AFAP1: variants seen among roughly 807,000 people sequenced by gnomAD.
The protein encoded by AFAP1 is actin filament-associated protein 1.
AFAP1 carries 75 observed loss-of-function variants against 93.9 expected under a neutral mutation model. That is an observed-to-expected ratio of 0.80 (90% CI 0.66 to 0.97). AFAP1 has a LOEUF of 0.97. Among genes scored for constraint, AFAP1 ranks in the 50% least tolerant of loss-of-function variants. AFAP1 has a pLI of 0.00. For missense variants in AFAP1, 1,201 were observed against 1,050.8 expected, an observed-to-expected ratio of 1.14 and a Z score of -1.98; for synonymous variants, 517 against 430.7, an observed-to-expected ratio of 1.20 and a Z score of -2.48.
At chr4:7,864,165 C>CCTTCCCAACTGCCCAT (rs1315864981) in intron 3 of AFAP1, among the ~76,000 whole-genome samples, 3 of 54,910 alleles carry the variant, frequency 5.5e-5, no homozygotes, top group Non-Finnish European at 8.1e-5. Context: ...TCATCACAAC[C>CCTTCCCAACTGCCCAT]CACAGGTCCT....
At chr4:7,830,571 G>A (rs1306825212) in intron 6 of AFAP1, among the ~76,000 whole-genome samples, 1 of 152,060 alleles carries the variant, frequency 6.6e-6, no homozygotes, top group East Asian at 1.9e-4. Context: ...TACCTTGAAT[G>A]GTTATATACA....
intron 1 of AFAP1, among the ~76,000 whole-genome samples, chr4:7,907,149 G>A (rs1429298837): frequency 6.6e-6 from 1 of 152,150 alleles, no homozygotes; most frequent in African/African-American, 2.4e-5. Flanking sequence ...AATACAACTT[G>A]TAACAGTGAG....
rs114505744 is a variant in AFAP1, at chr4:7,860,837, G to A, written c.226-5263C>T. Among the ~76,000 whole-genome samples the A allele has an allele frequency of 4.2e-3, 647 of 152,278 alleles. 10 individuals are homozygous for A. Among genetic ancestry groups the A allele is most frequent in the African/African-American group, 0.015 (617 of 41,544 alleles). ...GCTCCCATATCACACAGCACAAGCA[G>A]ACGCATCATTTCTTAGGAAGACTCT... On this transcript the variant is annotated intron_variant, in intron 3 of 17. Coordinates refer to ENST00000420658, the MANE Select transcript of AFAP1 (RefSeq NM_001134647.2).
intron 1 of AFAP1, among the ~76,000 whole-genome samples, chr4:7,935,265 T>C (rs774232082): frequency 4.6e-5 from 7 of 152,222 alleles, no homozygotes; most frequent in Non-Finnish European, 7.3e-5. Context: ...CAGGTGTTAC[T>C]AGCAATTAAC....
At chr4:7,906,043 A>T (rs764064720) in intron 1 of AFAP1, among the ~76,000 whole-genome samples, 1 of 152,182 alleles carries the variant, frequency 6.6e-6, no homozygotes, top group Non-Finnish European at 1.5e-5. Context: ...AGATACCTCA[A>T]TGCTCCAAAA....
In AFAP1 at chr4:7,762,145, A is replaced by G. The variant is rs564648342; in HGVS notation, c.*1620T>C. Reference sequence around the variant, plus strand: ...GACCGCTTTCCGCTTCAGTAATCCAACGTGGCCCTTGCAGGCCTCAAGCGC... The same window carrying G: ...GACCGCTTTCCGCTTCAGTAATCCAGCGTGGCCCTTGCAGGCCTCAAGCGC... On this transcript the variant is annotated 3_prime_UTR_variant, in exon 18 of 18. Transcript: ENST00000420658. 3 of 152,364 alleles carry G rather than the reference A, an allele frequency of 2.0e-5. No homozygotes were observed. The highest frequency in any genetic ancestry group is 4.4e-5 in the Non-Finnish European group (3 of 68,034). The allele number at this position is 152,364 out of a possible 1,614,324, so 9.4% of individuals were successfully genotyped here. A position where few individuals can be genotyped will look rare whatever the true frequency, so the allele number is the denominator to read the frequency against.
intron 8 of AFAP1, among the ~76,000 whole-genome samples, chr4:7,810,991 G>T (rs1351094674): frequency 6.6e-6 from 1 of 152,242 alleles, no homozygotes; most frequent in African/African-American, 2.4e-5. Flanking sequence ...GAACGTGCGT[G>T]TGAGACAGCA....
chr4:7,767,928 T>C (rs1263203543), intron 17 of AFAP1, among the ~76,000 whole-genome samples: 1 of 152,104 alleles, frequency 6.6e-6, no homozygotes, highest in East Asian at 1.9e-4. Flanking sequence ...TACAGTAAGT[T>C]AGCTGGGCAT....
At chr4:7,809,380 T>C (rs1170481382) in intron 9 of AFAP1, 5 of 358,242 alleles carry the variant, frequency 1.4e-5, no homozygotes, top group Non-Finnish European at 2.4e-5. Context: ...GGGAAATTTT[T>C]TTTTTTCCTT....
chr4:7,876,646 C>T (rs956265565), intron 1 of AFAP1, among the ~76,000 whole-genome samples: 4 of 152,180 alleles, frequency 2.6e-5, no homozygotes, highest in Non-Finnish European at 4.4e-5. Flanking sequence ...GACCATGCTC[C>T]GAGGCTTTCC....
At chr4:7,792,710 T>C (rs916415754) in intron 11 of AFAP1, among the ~76,000 whole-genome samples, 3 of 152,206 alleles carry the variant, frequency 2.0e-5, no homozygotes, top group Admixed American at 6.5e-5. Context: ...TGGCCTCTCA[T>C]CACGCTACGC....
chr4:7,904,535 T>C (rs776071804), intron 1 of AFAP1, among the ~76,000 whole-genome samples: 7 of 152,176 alleles, frequency 4.6e-5, no homozygotes, highest in Non-Finnish European at 8.8e-5. Flanking sequence ...CTCGTCTAGT[T>C]CTCGCTGAAA....
chr4:7,798,774 C>G (rs1396365240), intron 10 of AFAP1: 1 of 533,102 alleles, frequency 1.9e-6, no homozygotes, highest in Non-Finnish European at 2.4e-6. Context: ...TACTGTGCCC[C>G]CAGCAATGGC....
At chr4:7,800,132 T>C (rs1376205301) in intron 10 of AFAP1, among the ~76,000 whole-genome samples, 1 of 152,216 alleles carries the variant, frequency 6.6e-6, no homozygotes, top group Non-Finnish European at 1.5e-5. Context: ...TATGGGATTG[T>C]GTATTTAATT....
intron 1 of AFAP1, among the ~76,000 whole-genome samples, chr4:7,912,319 T>G (rs979544539): frequency 6.6e-6 from 1 of 152,214 alleles, no homozygotes; most frequent in African/African-American, 2.4e-5. Flanking sequence ...TAACTGCCCA[T>G]GAATGTGAGT....
chr4:7,816,234 A>G (rs543693505), intron 7 of AFAP1, 135 bp from the exon 8 acceptor site: 37 of 681,904 alleles, frequency 5.4e-5, no homozygotes, highest in Non-Finnish European at 8.5e-5. Context: ...AAGTGGTTAG[A>G]GCTTAACTAT....
chr4:7,789,785 A>G (rs1469302560), intron 11 of AFAP1, among the ~76,000 whole-genome samples: 2 of 152,090 alleles, frequency 1.3e-5, no homozygotes, highest in South Asian at 2.1e-4. Flanking sequence ...GCTCCGCACC[A>G]GCCCCTGCTT....
At chr4:7,885,435 A>G (rs893392855) in intron 1 of AFAP1, among the ~76,000 whole-genome samples, 1 of 152,122 alleles carries the variant, frequency 6.6e-6, no homozygotes, top group South Asian at 2.1e-4. Context: ...CTACACTTCA[A>G]GACTCAGCTG....
intron 1 of AFAP1, among the ~76,000 whole-genome samples, chr4:7,923,190 TAA>T (rs1296427617): frequency 5.9e-5 from 9 of 152,208 alleles, no homozygotes; most frequent in Admixed American, 1.3e-4. Context: ...TATCTTTATA[TAA>T]AGGAATGGAC....
Sources: gnomAD v4.1 joint callset for allele counts (sites outside exome capture counted in the v4.1 genomes callset) on GRCh38, gnomAD v4.1.1 for gene constraint, MANE v1.5 for transcripts, NCBI Gene and HGNC (gene_info 2026-07-23, HGNC 2026-07-21) for gene names.